Variants in KIF21A observed in about 807,000 individuals in gnomAD.
KIF21A encodes the protein kinesin family member 21A.
A neutral mutation model predicts 202.9 loss-of-function variants in KIF21A; 114 were observed. The observed-to-expected ratio is 0.56, with a 90% CI of 0.48 to 0.66. The LOEUF is 0.66. Ranked by LOEUF, KIF21A falls within the 30% of genes least tolerant of loss-of-function variation. KIF21A has a pLI of 0.00. For synonymous variants in KIF21A, 667 were observed against 670.8 expected (o/e 0.99, Z 0.09); for missense variants, 1,677 against 1,994.9 (o/e 0.84, Z 3.04).
intron 1 of KIF21A, among the ~76,000 whole-genome samples, chr12:39,381,104 A>G (rs1950581800): frequency 6.6e-6 from 1 of 151,976 alleles, no homozygotes; most frequent in Middle Eastern, 3.4e-3. Context: ...AGGAGATCGC[A>G]ACCATCCTGG....
chr12:39,425,477 C>T (rs1954669943), intron 1 of KIF21A, among the ~76,000 whole-genome samples: 1 of 152,038 alleles, frequency 6.6e-6, no homozygotes, highest in Admixed American at 6.6e-5. Context: ...TATTAAGCAT[C>T]CAGACAGAGG....
intron 31 of KIF21A, among the ~76,000 whole-genome samples, chr12:39,313,032 C>T (rs767181234): frequency 3.3e-4 from 50 of 151,834 alleles, no homozygotes; most frequent in Non-Finnish European, 6.5e-4. Flanking sequence ...GAATAATCTT[C>T]GAGATGCAAG....
chr12:39,438,733 A>G (rs79873478), intron 1 of KIF21A, among the ~76,000 whole-genome samples: 14,874 of 152,214 alleles, frequency 0.098, 743 homozygotes, highest in East Asian at 0.14. Flanking sequence ...TCCTTTCTGT[A>G]TCTCCCATTT....
At position 39,326,036 on chromosome 12, in the gene KIF21A, A is replaced by G; in HGVS notation, c.3402-143T>C. 2.2e-5 allele frequency: 15 copies of G among 695,718 alleles called. No individual in the cohort carries two copies. In the South Asian group the frequency reaches 2.6e-4, roughly 12 times the overall value. 43.1% of individuals were successfully genotyped at this position (695,718 alleles called of 1,614,324 possible). A position where few individuals can be genotyped will look rare whatever the true frequency, so the allele number is the denominator to read the frequency against. On this transcript the variant is annotated intron_variant, in intron 25 of 37. Transcript: ENST00000361418. ...CAATATTTAAAGTCAAAATGAATTA[A>G]TTTAAAAATAATTCATTTATGTTCC...
rs780002236 is a variant in KIF21A, at chr12:39,370,137, T to C, written c.169A>G (p.Ile57Val). Residue 57 changes from isoleucine to valine, a missense_variant, in exon 2 of 38, where the codon ATT (isoleucine) becomes GTT (valine). Ile to Val is a conservative substitution (Grantham distance 29, BLOSUM62 3). This residue lies in a region of KIF21A where 966 missense variants were observed against 1,180.9 expected (regional missense o/e 0.82). Transcript: ENST00000361418. Reference protein sequence around the residue: ...KAFTFDYVFDIDSQQEQIYIQ... With the variant: ...KAFTFDYVFDVDSQQEQIYIQ... ...TAGATCTGCTCTTGCTGGGAGTCAA[T>C]GTCAAATACATAGTCAAAAGTAAAA... 3.0e-5 allele frequency: 48 copies of C among 1,613,690 alleles called. No individual in the cohort carries two copies. The highest frequency in any genetic ancestry group is 3.8e-5 in the Non-Finnish European group (45 of 1,179,680).
intron 33 of KIF21A, among the ~76,000 whole-genome samples, chr12:39,307,946 A>G (rs978475960): frequency 2.0e-5 from 3 of 152,218 alleles, no homozygotes; most frequent in African/African-American, 7.2e-5. Context: ...TAAGATTATG[A>G]ATGAATAAAA....
chr12:39,298,510 C>T (rs11171682), intron 37 of KIF21A, among the ~76,000 whole-genome samples: 12,031 of 152,162 alleles, frequency 0.079, 624 homozygotes, highest in South Asian at 0.29. Context: ...CTGGGACATT[C>T]AGTAGAACTG....
rs774930561 is a variant in KIF21A at position 39,330,851 on chromosome 12, T to C, written c.3214A>G (p.Thr1072Ala). The change falls in exon 23 of 38, where the codon ACA becomes GCA. Residue 1072 changes from threonine to alanine, a missense_variant. Transcript: ENST00000361418. The part of the protein sequence containing the change: ...IKVLEGRLKQ[T>A]EITSATQNQL... Reference sequence around the variant, plus strand: ...TTTTGGGTAGCACTGGTTATTTCTGTTTGTTTGAGTCGACCTTCCAGTACT... The same window carrying C: ...TTTTGGGTAGCACTGGTTATTTCTGCTTGTTTGAGTCGACCTTCCAGTACT... The C allele has an allele frequency of 5.0e-6, 8 of 1,613,914 alleles. No homozygotes were observed. The South Asian group carries it at 7.7e-5, about 16-fold the overall frequency.
chr12:39,390,493 A>T (rs934400135), intron 1 of KIF21A, among the ~76,000 whole-genome samples: 2 of 151,800 alleles, frequency 1.3e-5, no homozygotes, highest in Non-Finnish European at 1.5e-5. Context: ...AAAGTTTATT[A>T]AAAAAAAGAA....
At chr12:39,309,441 G>T (rs1592061567) in intron 33 of KIF21A, 145 bp downstream of exon 33, 4 of 605,252 alleles carry the variant, frequency 6.6e-6, no homozygotes, top group Non-Finnish European at 8.3e-6. Context: ...GCTTTTCTTT[G>T]TGAACACTTT....
chr12:39,354,130 A>G (rs889601952), intron 10 of KIF21A, among the ~76,000 whole-genome samples: 2 of 152,176 alleles, frequency 1.3e-5, no homozygotes, highest in African/African-American at 2.4e-5. Flanking sequence ...TGAATTTAAA[A>G]GTCCCCCAAC....
chr12:39,396,435 A>G (rs776017482), intron 1 of KIF21A, among the ~76,000 whole-genome samples: 3 of 152,194 alleles, frequency 2.0e-5, no homozygotes, highest in Admixed American at 6.5e-5. Flanking sequence ...ATAAATGTGG[A>G]AGTAAATGAA....
rs572983214 is a variant in KIF21A at position 39,299,073 on chromosome 12, T to C, written c.4931+2407A>G. On this transcript the variant is annotated intron_variant, in intron 37 of 37. Coordinates refer to ENST00000361418, the MANE Select transcript of KIF21A (RefSeq NM_001173464.2). Reference sequence around the variant, plus strand: ...TTATTTTCCTGTGATTTTGAAAATATGTAGTAGACATATTTGCATGTGATA... The same window carrying C: ...TTATTTTCCTGTGATTTTGAAAATACGTAGTAGACATATTTGCATGTGATA... Among the ~76,000 whole-genome samples the C allele has an allele frequency of 4.6e-5, 7 of 152,272 alleles. No homozygotes were observed. In the East Asian group the frequency reaches 1.4e-3, roughly 29 times the overall value.
rs766103846 is a variant in KIF21A, at chr12:39,307,688, C to A, written c.4319G>T (p.Ser1440Ile). The part of the protein sequence containing the change: ...QVTLGDACSA[S>I]TSRTVAIPSG... The stretch of plus-strand genomic sequence containing the variant: ...AGGAATAGCTACTGTTCGACTGGTA[C>A]TTGCAGAACAAGCATCTCCAAGAGT... The change falls in exon 34 of 38, where the codon AGT becomes ATT. Residue 1440 changes from serine to isoleucine, a missense_variant. Coordinates refer to ENST00000361418, the MANE Select transcript of KIF21A (RefSeq NM_001173464.2). 1.2e-6 allele frequency: 2 copies of A among 1,614,078 alleles called. No individual in the cohort carries two copies. The highest frequency in any genetic ancestry group is 4.5e-5 in the East Asian group (2 of 44,842).
At position 39,340,483 on chromosome 12, in the gene KIF21A, A is replaced by T. The variant is rs552089534; in HGVS notation, c.2111-119T>A. 8.4e-6 allele frequency: 6 copies of T among 715,448 alleles called. No homozygotes were observed. In the South Asian group the frequency reaches 8.4e-5, roughly 10 times the overall value. 44.3% of individuals were successfully genotyped at this position (715,448 alleles called of 1,614,324 possible). A position where few individuals can be genotyped will look rare whatever the true frequency, so the allele number is the denominator to read the frequency against. On this transcript the variant is annotated intron_variant, in intron 15 of 37. Transcript: ENST00000361418. ...TTCCCAAACACCCACATCTCAGAAGACTAGGGTGTCTTTCAATCATTCTCT... is the reference window on the plus strand; with the variant it reads ...TTCCCAAACACCCACATCTCAGAAGTCTAGGGTGTCTTTCAATCATTCTCT...
chr12:39,298,467 T>G (rs1222383892), intron 37 of KIF21A, among the ~76,000 whole-genome samples: 1 of 152,080 alleles, frequency 6.6e-6, no homozygotes, highest in East Asian at 1.9e-4. Flanking sequence ...GTTCAATTTC[T>G]GACCGGTATA....
intron 29 of KIF21A, among the ~76,000 whole-genome samples, chr12:39,317,115 T>C (rs1257750238): frequency 1.3e-5 from 2 of 152,170 alleles, no homozygotes; most frequent in Non-Finnish European, 1.5e-5. Context: ...TAGATCAATG[T>C]AAAGAACATA....
At chr12:39,302,489 T>C (rs1038642579) in intron 36 of KIF21A, among the ~76,000 whole-genome samples, 15 of 152,228 alleles carry the variant, frequency 9.9e-5, no homozygotes, top group African/African-American at 3.1e-4. Flanking sequence ...TTTGAATTTA[T>C]TGACACATCA....
At chr12:39,356,238 A>G (rs533510355) in intron 10 of KIF21A, among the ~76,000 whole-genome samples, 1 of 152,356 alleles carries the variant, frequency 6.6e-6, no homozygotes, top group East Asian at 1.9e-4. Context: ...CATTCTGTTT[A>G]CTACATGTGA....
Sources: allele counts gnomAD v4.1 joint callset (sites outside exome capture counted in the v4.1 genomes callset), GRCh38; gene constraint gnomAD v4.1.1; regional missense constraint gnomAD v4.1.1; transcripts MANE v1.5; gene names NCBI Gene and HGNC (gene_info 2026-07-23, HGNC 2026-07-21).